Variants in PSMD1 observed in about 807,000 individuals in gnomAD.
The protein encoded by PSMD1 is 26S proteasome non-ATPase regulatory subunit 1.
In PSMD1, 18 loss-of-function variants were observed where a neutral mutation model predicts 119.0. The ratio of observed to expected loss-of-function variants is 0.15; its 90% CI spans 0.10 to 0.22. PSMD1 has a LOEUF of 0.22. PSMD1 is among the 10% of genes least tolerant of loss of function. PSMD1 has a pLI of 1.00. For synonymous variants in PSMD1, 374 were observed against 396.6 expected (o/e 0.94, Z 0.68); for missense variants, 702 against 1,158.5 (o/e 0.61, Z 5.72).
At chr2:231,059,562 C>T (rs1238271150) in intron 1 of PSMD1, among the ~76,000 whole-genome samples, 1 of 152,072 alleles carries the variant, frequency 6.6e-6, no homozygotes, top group Non-Finnish European at 1.5e-5. Flanking sequence ...CTTTTTTAAA[C>T]ATAATACAGA....
chr2:231,163,579 C>A, intron 20 of PSMD1, 56 bp from the exon 21 acceptor site: 2 of 1,331,038 alleles, frequency 1.5e-6, no homozygotes, highest in Non-Finnish European at 2.1e-6. Context: ...TATCCGTATG[C>A]CTGTGGAGAG....
intron 5 of PSMD1, 37 bp downstream of exon 5, chr2:231,067,148 T>C: frequency 2.7e-6 from 4 of 1,461,304 alleles, no homozygotes; most frequent in Non-Finnish European, 3.7e-6. Flanking sequence ...TTATTGTTGA[T>C]AGGGAATCAG....
chr2:231,062,546 T>A lies in PSMD1; in HGVS notation c.175T>A (p.Phe59Ile). The A allele has an allele frequency of 6.2e-7, 1 of 1,605,094 alleles. No individual in the cohort carries two copies. Among genetic ancestry groups the A allele is most frequent in the Non-Finnish European group, 8.5e-7 (1 of 1,177,514 alleles). Residue 59 changes from phenylalanine (F) to isoleucine (I), a missense_variant, in exon 4 of 25, where the codon TTT (phenylalanine) becomes ATT (isoleucine). Physicochemically the swap from Phe to Ile is conservative, Grantham distance 21 (BLOSUM62 0). Around this residue, in one of 9 missense-constraint regions of PSMD1, gnomAD observed 60 missense variants for 118.2 expected, o/e 0.51. Transcript: ENST00000308696. Reference protein sequence around the residue: ...YEDEGFRSRQFAALVASKVFY... With the variant: ...YEDEGFRSRQIAALVASKVFY... ...AGATGAAGGTTTCCGGAGTCGGCAG[T>A]TTGCAGCCTTAGTGGCATCTAAAGT...
intron 6 of PSMD1, among the ~76,000 whole-genome samples, chr2:231,070,527 A>C (rs181386654): frequency 1.8e-4 from 27 of 152,266 alleles, no homozygotes; most frequent in African/African-American, 6.3e-4. Flanking sequence ...AGAGAATTCA[A>C]AGTGTATAAA....
At chr2:231,092,578 C>G (rs182059677) in intron 16 of PSMD1, among the ~76,000 whole-genome samples, 2 of 152,154 alleles carry the variant, frequency 1.3e-5, no homozygotes, top group African/African-American at 4.8e-5. Context: ...GTCCCTCCAT[C>G]GGCCCAAATT....
intron 16 of PSMD1, among the ~76,000 whole-genome samples, chr2:231,128,260 C>T (rs1404572794): frequency 2.0e-5 from 3 of 152,156 alleles, no homozygotes; most frequent in Non-Finnish European, 2.9e-5. Context: ...CATTTTCTGT[C>T]CTCATGTAAT....
At position 231,087,189 on chromosome 2, in the gene PSMD1, CT is replaced by C. The variant is rs1283228979; in HGVS notation, c.1883+10del. The C allele has an allele frequency of 6.2e-7, 1 of 1,607,224 alleles. No individual in the cohort carries two copies. The highest frequency in any genetic ancestry group is 8.5e-7 in the Non-Finnish European group (1 of 1,174,328). On this transcript the variant is annotated intron_variant, in intron 16 of 24. Transcript: ENST00000308696. ...TGGGTTCATTCTATTCAGGTAATAA[CT>C]TCAAACTTCTTATTCTATTTATATT...
intron 19 of PSMD1, among the ~76,000 whole-genome samples, chr2:231,158,084 G>T (rs957578761): frequency 2.0e-4 from 31 of 152,116 alleles, no homozygotes; most frequent in African/African-American, 6.7e-4. Flanking sequence ...GCCGAGGTGG[G>T]TGGATCATTT....
intron 16 of PSMD1, among the ~76,000 whole-genome samples, chr2:231,114,823 A>T (rs1052913219): frequency 1.3e-5 from 2 of 152,202 alleles, no homozygotes; most frequent in Admixed American, 6.5e-5. Flanking sequence ...TTAATATATT[A>T]TGCATTATAT....
chr2:231,133,197 C>T (rs1041623047), intron 16 of PSMD1, among the ~76,000 whole-genome samples: 8 of 152,028 alleles, frequency 5.3e-5, no homozygotes, highest in African/African-American at 1.7e-4. Context: ...CTCACTCTGT[C>T]GCCCAGCCTC....
chr2:231,165,074 A>ATT, intron 21 of PSMD1, 126 bp from the exon 22 acceptor site: 1 of 61,968 alleles, frequency 1.6e-5, no homozygotes, highest in Non-Finnish European at 3.7e-5. Flanking sequence ...ATATATATAT[A>ATT]TATATATATA....
chr2:231,096,846 C>T lies in PSMD1; in HGVS notation c.1883+9665C>T, dbSNP rs557064011. On this transcript the variant is annotated intron_variant, in intron 16 of 24. Coordinates refer to ENST00000308696, the MANE Select transcript of PSMD1 (RefSeq NM_002807.4). ...AACTTAAAGAGAATGACGGGGTGAG[C>T]GCTTTGGCGGGAGTCAGGGCAGAGC... Among the ~76,000 whole-genome samples the T allele has an allele frequency of 3.0e-4, 46 of 152,110 alleles. No individual in the cohort carries two copies. The South Asian group carries it at 9.6e-3, about 32-fold the overall frequency.
intron 14 of PSMD1, 46 bp from the exon 15 acceptor site, chr2:231,084,973 A>G (rs1694396123): frequency 6.7e-7 from 1 of 1,494,318 alleles, no homozygotes; most frequent in Non-Finnish European, 9.3e-7. Context: ...GTAGAAGTTA[A>G]CTGTTTGAAA....
chr2:231,150,208 G>T (rs1368216090), intron 18 of PSMD1, among the ~76,000 whole-genome samples: 2 of 152,040 alleles, frequency 1.3e-5, no homozygotes, highest in African/African-American at 4.8e-5. Flanking sequence ...TTAGCTGAGT[G>T]TGGTGGCAGG....
intron 16 of PSMD1, among the ~76,000 whole-genome samples, chr2:231,101,946 G>A (rs534321323): frequency 6.6e-6 from 1 of 152,276 alleles, no homozygotes; most frequent in African/African-American, 2.4e-5. Context: ...CTGTAGAATA[G>A]CAGAGACTAC....
chr2:231,109,024 C>T (rs756162206), intron 16 of PSMD1: 25 of 1,614,238 alleles, frequency 1.5e-5, no homozygotes, highest in Non-Finnish European at 2.1e-5. Context: ...AAATGGTCTG[C>T]ACTGACTTTT....
chr2:231,145,201 C>T (rs772110755), intron 17 of PSMD1, among the ~76,000 whole-genome samples: 17 of 152,108 alleles, frequency 1.1e-4, no homozygotes, highest in Admixed American at 6.6e-5. Flanking sequence ...ATGGCAGTTC[C>T]GTGAATGTAC....
chr2:231,134,031 T>G (rs1258606261), intron 16 of PSMD1, among the ~76,000 whole-genome samples: 2 of 152,236 alleles, frequency 1.3e-5, no homozygotes, highest in Non-Finnish European at 2.9e-5. Flanking sequence ...TAGCTTATTT[T>G]GGTGTGCGTT....
intron 16 of PSMD1, among the ~76,000 whole-genome samples, chr2:231,115,816 G>T (rs956140358): frequency 3.3e-5 from 5 of 152,154 alleles, no homozygotes; most frequent in Admixed American, 3.3e-4. Flanking sequence ...GTGAGGATCG[G>T]CATCACCTGG....
Sources: allele counts gnomAD v4.1 joint callset (sites outside exome capture counted in the v4.1 genomes callset), GRCh38; gene constraint gnomAD v4.1.1; regional missense constraint gnomAD v4.1.1; transcripts MANE v1.5; gene names NCBI Gene and HGNC (gene_info 2026-07-23, HGNC 2026-07-21).